Variants in RTN3 observed in about 807,000 individuals in gnomAD.
The protein encoded by RTN3 is reticulon 3.
RTN3 carries 49 observed loss-of-function variants against 77.8 expected under a neutral mutation model. That is an observed-to-expected ratio of 0.63 (90% CI 0.50 to 0.80). The LOEUF (loss-of-function observed/expected upper bound fraction) is 0.80, where lower values mean the gene tolerates loss of function less well. RTN3 is among the 30% of genes least tolerant of loss of function. The pLI is 0.00. For missense variants in RTN3, 1,236 were observed against 1,211.9 expected (o/e 1.02, Z -0.29); for synonymous variants, 464 against 446.9 (o/e 1.04, Z -0.48).
intron 3 of RTN3, among the ~76,000 whole-genome samples, chr11:63,726,211 C>A (rs958988992): frequency 6.6e-6 from 1 of 152,108 alleles, no homozygotes; most frequent in Non-Finnish European, 1.5e-5. Flanking sequence ...AACAAAGACC[C>A]GAAGGCACTG....
At chr11:63,723,100 A>G (rs2011936447) in intron 3 of RTN3, among the ~76,000 whole-genome samples, 1 of 152,210 alleles carries the variant, frequency 6.6e-6, no homozygotes, top group African/African-American at 2.4e-5. Flanking sequence ...GTAAATGCTA[A>G]TTATTAGTGA....
chr11:63,731,130 G>T (rs1339166065), intron 3 of RTN3, among the ~76,000 whole-genome samples: 2 of 152,008 alleles, frequency 1.3e-5, no homozygotes, highest in African/African-American at 4.8e-5. Context: ...TCCCAGGCTG[G>T]AGTGCAGTGG....
intron 1 of RTN3, among the ~76,000 whole-genome samples, chr11:63,685,774 G>C (rs1349741579): frequency 6.6e-6 from 1 of 152,138 alleles, no homozygotes; most frequent in Non-Finnish European, 1.5e-5. Context: ...GACTTGTCTT[G>C]ATTTTAGTTA....
chr11:63,706,768 TATTAA>T (rs1443623041), intron 2 of RTN3, among the ~76,000 whole-genome samples: 1 of 152,162 alleles, frequency 6.6e-6, no homozygotes, highest in Non-Finnish European at 1.5e-5. Flanking sequence ...AGCAAATAGG[TATTAA>T]ATTATTCTAC....
intron 1 of RTN3, among the ~76,000 whole-genome samples, chr11:63,699,365 A>G (rs1590796567): frequency 6.6e-6 from 1 of 151,778 alleles, no homozygotes; most frequent in Admixed American, 6.6e-5. Flanking sequence ...TTAGTCCCTC[A>G]GTGATCTTTT....
chr11:63,707,410 T>C (rs1362274715), intron 2 of RTN3, among the ~76,000 whole-genome samples: 1 of 152,222 alleles, frequency 6.6e-6, no homozygotes, highest in Non-Finnish European at 1.5e-5. Context: ...AATGTTTTAA[T>C]AGGCTTCAGT....
At chr11:63,717,408 A>G (rs867636293) in intron 2 of RTN3, among the ~76,000 whole-genome samples, 3 of 96,834 alleles carry the variant, frequency 3.1e-5, no homozygotes, top group South Asian at 3.3e-4. Context: ...TTTTTGAGAC[A>G]GTTTCACTCT....
At chr11:63,712,963 C>T (rs938466795) in intron 2 of RTN3, among the ~76,000 whole-genome samples, 1 of 151,956 alleles carries the variant, frequency 6.6e-6, no homozygotes, top group South Asian at 2.1e-4. Context: ...GGCCTGGTGG[C>T]GCATGCCTGT....
chr11:63,697,147 G>A (rs879915637), intron 1 of RTN3, among the ~76,000 whole-genome samples: 1 of 151,966 alleles, frequency 6.6e-6, no homozygotes, highest in Non-Finnish European at 1.5e-5. Flanking sequence ...GCCTCCCAAA[G>A]TGCTGGGATT....
At chr11:63,714,437 GTTTT>G in intron 2 of RTN3, 1 of 145,484 alleles carries the variant, frequency 6.9e-6, no homozygotes, top group South Asian at 2.2e-4. Context: ...CATTATTAGA[GTTTT>G]TTTTTAATAT....
chr11:63,721,521 G>A (rs918399454), intron 3 of RTN3, among the ~76,000 whole-genome samples: 1 of 148,388 alleles, frequency 6.7e-6, no homozygotes, highest in Non-Finnish European at 1.5e-5. Flanking sequence ...CTTGCAGTGA[G>A]ATGAGATCGC....
intron 3 of RTN3, among the ~76,000 whole-genome samples, chr11:63,721,820 G>A (rs531094213): frequency 6.6e-6 from 1 of 152,216 alleles, no homozygotes; most frequent in Admixed American, 6.5e-5. Flanking sequence ...GGGAAAGATA[G>A]TAAATGAAAC....
intron 2 of RTN3, among the ~76,000 whole-genome samples, 162 bp downstream of exon 2, chr11:63,705,069 G>A (rs1246527290): frequency 6.6e-6 from 1 of 152,172 alleles, no homozygotes; most frequent in African/African-American, 2.4e-5. Context: ...AGTGGGTTTC[G>A]TGTAATGGTT....
chr11:63,693,728 CT>C (rs1380825784), intron 1 of RTN3, among the ~76,000 whole-genome samples: 1 of 152,142 alleles, frequency 6.6e-6, no homozygotes, highest in Non-Finnish European at 1.5e-5. Context: ...TAAGGTTAGC[CT>C]CTTTTATTTC....
At chr11:63,730,166 C>CAT (rs1015813563) in intron 3 of RTN3, among the ~76,000 whole-genome samples, 1 of 151,730 alleles carries the variant, frequency 6.6e-6, no homozygotes, top group African/African-American at 2.4e-5. Context: ...GAGGTTTCAC[C>CAT]ATGTTTGTCA....
intron 7 of RTN3, 109 bp downstream of exon 7, chr11:63,753,817 CA>C: frequency 9.8e-7 from 1 of 1,022,298 alleles, no homozygotes; most frequent in South Asian, 1.6e-5. Flanking sequence ...ACTATTTCTA[CA>C]ATCTAATTTT....
intron 4 of RTN3, among the ~76,000 whole-genome samples, chr11:63,752,033 A>C (rs1375217229): frequency 2.6e-5 from 4 of 152,110 alleles, no homozygotes; most frequent in African/African-American, 9.7e-5. Flanking sequence ...CCCTGTTTTT[A>C]TGTGTTCTGG....
At chr11:63,727,668 T>C (rs2012379974) in intron 3 of RTN3, among the ~76,000 whole-genome samples, 1 of 152,006 alleles carries the variant, frequency 6.6e-6, no homozygotes, top group African/African-American at 2.4e-5. Flanking sequence ...TGGGACAATA[T>C]CAAAAGACCT....
Position 63,719,883 on chromosome 11 carries a change from T to C in RTN3, c.1381T>C (p.Leu461=). 6.2e-7 allele frequency: 1 copy of C among 1,614,114 alleles called. No individual in the cohort carries two copies. The highest frequency in any genetic ancestry group is 1.1e-5 in the South Asian group (1 of 91,086). The stretch of plus-strand genomic sequence containing the variant: ...ATCTCCACCTGAGAAATGTGACTCT[T>C]TGGGTTCTGGAGTGGCCACAGTGAA... ...PGSPPEKCDS[L]GSGVATVKVV... is the part of the protein sequence containing the mutation. The change falls in exon 3 of 9, where the codon TTG becomes CTG. Residue 461 remains leucine (L), a synonymous_variant. Coordinates refer to ENST00000377819, the MANE Select transcript of RTN3 (RefSeq NM_001265589.2).
Sources: gnomAD v4.1 joint callset for allele counts (sites outside exome capture counted in the v4.1 genomes callset) on GRCh38, gnomAD v4.1.1 for gene constraint, MANE v1.5 for transcripts, NCBI Gene and HGNC (gene_info 2026-07-23, HGNC 2026-07-21) for gene names.